The following NCOR1 variants were observed in gnomAD, a reference collection of about 807,000 sequenced individuals.
NCOR1 encodes nuclear receptor corepressor 1, also known as protein phosphatase 1, regulatory subunit 109.
In NCOR1, 63 loss-of-function variants were observed where a neutral mutation model predicts 288.1. That is an observed-to-expected ratio of 0.22 (90% CI 0.18 to 0.27). The LOEUF (loss-of-function observed/expected upper bound fraction) is 0.27. Among genes scored for constraint, NCOR1 ranks in the 10% least tolerant of loss-of-function variants. NCOR1 has a pLI of 1.00. For synonymous variants in NCOR1, 1,007 were observed against 1,065.9 expected (o/e 0.94, Z 1.08); for missense variants, 2,397 against 3,019.2 (o/e 0.79, Z 4.83).
rs1052239333 is a variant in NCOR1, at chr17:16,209,696, A to T, written c.-71+5666T>A. ...GCCAAGTGCGATGGCTCACGCCTGT[A>T]ATCCCAACACTTTGGGAGGCCAAGG... is the stretch of plus-strand genomic sequence containing the variant. On this transcript the variant is annotated intron_variant, in intron 1 of 45. Coordinates refer to ENST00000268712, the MANE Select transcript of NCOR1 (RefSeq NM_006311.4). Among the ~76,000 whole-genome samples, 13 of 151,600 alleles carry T rather than the reference A, an allele frequency of 8.6e-5. No individual in the cohort carries two copies. In the East Asian group the frequency reaches 2.3e-3, roughly 27 times the overall value.
At chr17:16,166,009 G>A (rs1055726034) in intron 4 of NCOR1, among the ~76,000 whole-genome samples, 3 of 152,190 alleles carry the variant, frequency 2.0e-5, no homozygotes, top group Non-Finnish European at 4.4e-5. Context: ...ACTGTGAAAA[G>A]TCAATAGTTC....
Position 16,131,729 on chromosome 17 carries a change from T to C in NCOR1, c.1510-5523A>G, listed in dbSNP as rs7213770. ...TAACAATTAGTGCTCCTAAGCCAAC[T>C]GAATTTCAGACTAACTTCCTGAAGA... is the stretch of plus-strand genomic sequence containing the variant. On this transcript the variant is annotated intron_variant, in intron 14 of 45. Coordinates refer to ENST00000268712, the MANE Select transcript of NCOR1 (RefSeq NM_006311.4). Among the ~76,000 whole-genome samples the C allele has an allele frequency of 8.1e-3, 1,237 of 152,346 alleles. 22 individuals carry two copies. Among genetic ancestry groups the C allele is most frequent in the African/African-American group, 0.028 (1,183 of 41,580 alleles).
intron 1 of NCOR1, among the ~76,000 whole-genome samples, chr17:16,194,967 T>C (rs1290110495): frequency 1.3e-5 from 2 of 152,254 alleles, no homozygotes; most frequent in East Asian, 1.9e-4. Flanking sequence ...CAAAAATACA[T>C]GGTTTTAAAT....
intron 26 of NCOR1, among the ~76,000 whole-genome samples, chr17:16,078,506 T>TAC (rs1238407866): frequency 6.6e-6 from 1 of 152,262 alleles, no homozygotes; most frequent in Non-Finnish European, 1.5e-5. Context: ...CAGGCCCATT[T>TAC]ACTTTCCTCT....
chr17:16,174,684 T>C (rs1291950396), intron 3 of NCOR1, among the ~76,000 whole-genome samples: 1 of 152,188 alleles, frequency 6.6e-6, no homozygotes, highest in Non-Finnish European at 1.5e-5. Context: ...ATCTCAGAAA[T>C]TTAAATAAAC....
chr17:16,152,681 G>A (rs545758070), intron 7 of NCOR1, among the ~76,000 whole-genome samples: 1 of 152,180 alleles, frequency 6.6e-6, no homozygotes. Context: ...TAATGGGATC[G>A]CTGGGTCAAA....
At chr17:16,100,626 G>A (rs1387877072) in intron 20 of NCOR1, among the ~76,000 whole-genome samples, 2 of 152,150 alleles carry the variant, frequency 1.3e-5, no homozygotes, top group African/African-American at 4.8e-5. Context: ...GGGGAAGAAC[G>A]AGACTCCGTC....
At chr17:16,186,130 A>C (rs756897993) in intron 3 of NCOR1, among the ~76,000 whole-genome samples, 3 of 152,126 alleles carry the variant, frequency 2.0e-5, no homozygotes, top group Non-Finnish European at 4.4e-5. Flanking sequence ...GGGAAAACTA[A>C]AGCTTGAAGA....
At chr17:16,129,837 C>T (rs1189154163) in intron 14 of NCOR1, among the ~76,000 whole-genome samples, 1 of 152,206 alleles carries the variant, frequency 6.6e-6, no homozygotes, top group Admixed American at 6.5e-5. Context: ...AGTTGGGTAA[C>T]ACATGCTAAT....
chr17:16,120,228 T>C (rs573687010), intron 16 of NCOR1, among the ~76,000 whole-genome samples: 7 of 152,150 alleles, frequency 4.6e-5, no homozygotes, highest in Non-Finnish European at 1.0e-4. Context: ...CTGGGCCCTC[T>C]GCCTCCAGCC....
intron 42 of NCOR1, among the ~76,000 whole-genome samples, chr17:16,045,729 C>T (rs1377223415): frequency 6.6e-6 from 1 of 152,152 alleles, no homozygotes; most frequent in African/African-American, 2.4e-5. Context: ...TGGCCTCAAA[C>T]TCTTGATCTC....
At chr17:16,045,308 T>C (rs558262288) in intron 42 of NCOR1, among the ~76,000 whole-genome samples, 3 of 152,236 alleles carry the variant, frequency 2.0e-5, no homozygotes, top group African/African-American at 7.2e-5. Flanking sequence ...TGCAGCCTCA[T>C]TACTTACTAG....
rs2078239149 is a variant in NCOR1 at position 16,147,893 on chromosome 17, C to T, written c.910-1345G>A. On this transcript the variant is annotated intron_variant, in intron 9 of 45. Coordinates refer to ENST00000268712, the MANE Select transcript of NCOR1 (RefSeq NM_006311.4). ...GAGTGCAGTGGCGCGATCTCGCTCA[C>T]TGCAACCTCCGCCTCCCGGGTTCAA... is the stretch of plus-strand genomic sequence containing the variant. Among the ~76,000 whole-genome samples, 3 of 152,236 alleles carry T rather than the reference C, an allele frequency of 2.0e-5. No homozygotes were observed. The South Asian group carries it at 6.2e-4, about 31-fold the overall frequency.
Position 16,086,585 on chromosome 17 carries a change from TTTCTC to T in NCOR1, c.3017-148_3017-144del. ...CAACAATGAACATTTCTATTTTAAATTTCTCATTCACGTAAGCCTGTATACATATT... is the reference window on the plus strand; with the variant it reads ...CAACAATGAACATTTCTATTTTAAATATTCACGTAAGCCTGTATACATATT... On this transcript the variant is annotated intron_variant, in intron 22 of 45. Coordinates refer to ENST00000268712, the MANE Select transcript of NCOR1 (RefSeq NM_006311.4). 3 of 787,658 alleles carry T rather than the reference TTTCTC, an allele frequency of 3.8e-6. No individual in the cohort carries two copies. In the South Asian group the frequency reaches 6.1e-5, roughly 16 times the overall value. The allele number at this position is 787,658 out of a possible 1,614,324, so 48.8% of individuals were successfully genotyped here.
At chr17:16,178,498 CAAAAAAA>C (rs564320622) in intron 3 of NCOR1, among the ~76,000 whole-genome samples, 15 of 32,802 alleles carry the variant, frequency 4.6e-4, no homozygotes, top group South Asian at 1.1e-3. Context: ...GACTCCGTCT[CAAAAAAA>C]AAAAAAAAAA....
At chr17:16,127,550 C>CATGTGTATATATGTATATAT (rs1568204693) in intron 14 of NCOR1, among the ~76,000 whole-genome samples, 1 of 133,248 alleles carries the variant, frequency 7.5e-6, no homozygotes, top group Non-Finnish European at 1.6e-5. Context: ...TGTATATATA[C>CATGTGTATATATGTATATAT]ACATGTGTAT....
intron 10 of NCOR1, among the ~76,000 whole-genome samples, 169 bp from the exon 11 acceptor site, chr17:16,143,865 TTAA>T (rs34858502): frequency 0.45 from 68,603 of 151,828 alleles, 16,494 homozygotes; most frequent in Middle Eastern, 0.58. Context: ...GTGTCACCTA[TTAA>T]TAACAATTTA....
chr17:16,108,402 C>T (rs1001512611), intron 19 of NCOR1: 26 of 178,434 alleles, frequency 1.5e-4, no homozygotes, highest in African/African-American at 5.5e-4. Flanking sequence ...TACGTAAAAA[C>T]ATTACTACAG....
At chr17:16,210,952 C>T (rs1251903328) in intron 1 of NCOR1, among the ~76,000 whole-genome samples, 4 of 152,102 alleles carry the variant, frequency 2.6e-5, no homozygotes, top group East Asian at 1.9e-4. Flanking sequence ...AGGATGGTCT[C>T]GATCTCCTGA....
Sources: gnomAD v4.1 joint callset for allele counts (sites outside exome capture counted in the v4.1 genomes callset) on GRCh38, gnomAD v4.1.1 for gene constraint, MANE v1.5 for transcripts, NCBI Gene and HGNC (gene_info 2026-07-23, HGNC 2026-07-21) for gene names.